Variants in RIT2 observed in about 807,000 individuals in gnomAD.
RIT2 encodes Ras like without CAAX 2.
A neutral mutation model predicts 23.7 loss-of-function variants in RIT2; 24 were observed. That is an observed-to-expected ratio of 1.01 (90% CI 0.73 to 1.43). The LOEUF (loss-of-function observed/expected upper bound fraction) is 1.43. RIT2 is among the 40% of genes most tolerant of loss of function. The pLI is 0.00. For synonymous variants in RIT2, 107 were observed against 91.1 expected, an observed-to-expected ratio of 1.17 and a Z score of -0.99; for missense variants, 236 against 266.9, an observed-to-expected ratio of 0.88 and a Z score of 0.81.
intron 4 of RIT2, among the ~76,000 whole-genome samples, chr18:42,811,984 G>A (rs373713031): frequency 1.3e-5 from 2 of 151,976 alleles, no homozygotes; most frequent in South Asian, 2.1e-4. Flanking sequence ...ATGGGGCTAC[G>A]GGTACATAAA....
At chr18:42,826,403 G>T (rs1218131517) in intron 4 of RIT2, among the ~76,000 whole-genome samples, 1 of 151,996 alleles carries the variant, frequency 6.6e-6, no homozygotes, top group African/African-American at 2.4e-5. Context: ...GATTAAGAGA[G>T]AACAAAGATT....
intron 4 of RIT2, among the ~76,000 whole-genome samples, chr18:42,893,792 C>T (rs918076449): frequency 3.3e-5 from 5 of 152,114 alleles, no homozygotes; most frequent in African/African-American, 4.8e-5. Flanking sequence ...CCACTGACTT[C>T]ATTCTGTCAT....
At chr18:42,935,070 G>A (rs1909418485) in intron 3 of RIT2, among the ~76,000 whole-genome samples, 1 of 152,060 alleles carries the variant, frequency 6.6e-6, no homozygotes, top group Admixed American at 6.6e-5. Context: ...AGTGTCTGTG[G>A]GTAGTGATCA....
intron 3 of RIT2, among the ~76,000 whole-genome samples, chr18:42,963,934 G>A (rs1484025256): frequency 3.3e-5 from 5 of 151,608 alleles, no homozygotes; most frequent in African/African-American, 1.2e-4. Context: ...ACTCACACCT[G>A]TGATCCCAGC....
chr18:42,871,811 A>G (rs1473816770), intron 4 of RIT2, among the ~76,000 whole-genome samples: 3 of 152,236 alleles, frequency 2.0e-5, no homozygotes, highest in Admixed American at 2.0e-4. Context: ...CAAAATATCT[A>G]TACATTAACT....
intron 4 of RIT2, among the ~76,000 whole-genome samples, chr18:42,833,708 C>T (rs994556986): frequency 1.2e-4 from 19 of 152,066 alleles, no homozygotes; most frequent in African/African-American, 4.3e-4. Flanking sequence ...AGAGAAGTGA[C>T]TTGTTCAATA....
At chr18:42,753,098 G>A (rs1021424066) in intron 4 of RIT2, among the ~76,000 whole-genome samples, 1 of 152,092 alleles carries the variant, frequency 6.6e-6, no homozygotes, top group Admixed American at 6.6e-5. Flanking sequence ...TGCATGGGGG[G>A]TTGATGAGAC....
chr18:43,109,365 C>T (rs917535150), intron 1 of RIT2, among the ~76,000 whole-genome samples: 7 of 152,282 alleles, frequency 4.6e-5, no homozygotes, highest in African/African-American at 1.7e-4. Context: ...TTAACTGAAG[C>T]ATCTATTGAG....
At chr18:43,009,595 G>A (rs926956939) in intron 2 of RIT2, among the ~76,000 whole-genome samples, 1 of 151,634 alleles carries the variant, frequency 6.6e-6, no homozygotes, top group Non-Finnish European at 1.5e-5. Flanking sequence ...TCTTGGAACA[G>A]CCTGAATATT....
At chr18:42,888,600 A>G (rs1236345184) in intron 4 of RIT2, among the ~76,000 whole-genome samples, 1 of 152,014 alleles carries the variant, frequency 6.6e-6, no homozygotes, top group Non-Finnish European at 1.5e-5. Context: ...CCAGAAAGAC[A>G]CATGCACTCA....
chr18:42,932,395 C>T (rs994718538), intron 3 of RIT2, among the ~76,000 whole-genome samples: 8 of 152,158 alleles, frequency 5.3e-5, no homozygotes, highest in Non-Finnish European at 8.8e-5. Flanking sequence ...TTCTGCAGCT[C>T]TTCTGTCTCC....
chr18:42,816,884 G>A (rs1003666407), intron 4 of RIT2, among the ~76,000 whole-genome samples: 1 of 152,150 alleles, frequency 6.6e-6, no homozygotes, highest in African/African-American at 2.4e-5. Context: ...GAAAGTATCA[G>A]CTAGAGAAGT....
rs115680072 is a variant in RIT2 at position 43,033,269 on chromosome 18, A to G, written c.160+542T>C. Among the ~76,000 whole-genome samples, 826 of 152,268 alleles carry G rather than the reference A, an allele frequency of 5.4e-3. 7 individuals carry two copies. Among genetic ancestry groups the G allele is most frequent in the African/African-American group, 0.019 (786 of 41,572 alleles). On this transcript the variant is annotated intron_variant, in intron 2 of 4. Transcript: ENST00000326695. The stretch of plus-strand genomic sequence containing the variant: ...TATTATGACAGAAAGAAAACTGGGT[A>G]GGAGGAATAAAACATGGGTGGTGTT...
intron 4 of RIT2, among the ~76,000 whole-genome samples, chr18:42,751,794 ATTATAC>A (rs965911297): frequency 2.6e-5 from 4 of 152,090 alleles, no homozygotes; most frequent in Non-Finnish European, 5.9e-5. Flanking sequence ...CTAAATGGAA[ATTATAC>A]TTAGTAAAAT....
intron 4 of RIT2, among the ~76,000 whole-genome samples, chr18:42,917,731 C>G (rs771137238): frequency 2.4e-4 from 37 of 152,146 alleles, no homozygotes; most frequent in Non-Finnish European, 4.7e-4. Flanking sequence ...ACCCTGCCTC[C>G]TCACCAGCTA....
chr18:42,871,559 G>C (rs1907621848), intron 4 of RIT2, among the ~76,000 whole-genome samples: 2 of 152,150 alleles, frequency 1.3e-5, no homozygotes, highest in Admixed American at 1.3e-4. Flanking sequence ...GATATTATTT[G>C]TGCCTCTAGA....
At chr18:42,901,603 A>C (rs551893945) in intron 4 of RIT2, among the ~76,000 whole-genome samples, 13 of 152,160 alleles carry the variant, frequency 8.5e-5, no homozygotes, top group Non-Finnish European at 1.6e-4. Context: ...ATATTTTGAT[A>C]TTGTACAAAT....
intron 4 of RIT2, among the ~76,000 whole-genome samples, chr18:42,767,147 C>T (rs1913442882): frequency 1.3e-5 from 2 of 152,254 alleles, no homozygotes; most frequent in South Asian, 4.1e-4. Flanking sequence ...CGGCCATGGT[C>T]CTCCAGATCC....
chr18:42,941,906 G>A (rs1317357886), intron 3 of RIT2, among the ~76,000 whole-genome samples: 2 of 152,192 alleles, frequency 1.3e-5, no homozygotes, highest in East Asian at 1.9e-4. Flanking sequence ...TAAATAACCT[G>A]TCCAAGATCA....
Sources: gnomAD v4.1 joint callset for allele counts (sites outside exome capture counted in the v4.1 genomes callset) on GRCh38, gnomAD v4.1.1 for gene constraint, MANE v1.5 for transcripts, NCBI Gene and HGNC (gene_info 2026-07-23, HGNC 2026-07-21) for gene names.